RRM1: variants seen among roughly 807,000 people sequenced by gnomAD.
RRM1 encodes ribonucleotide reductase catalytic subunit M1.
RRM1 carries 19 observed loss-of-function variants against 101.5 expected under a neutral mutation model. The observed-to-expected ratio is 0.19, with a 90% CI of 0.13 to 0.27. The LOEUF is 0.27. Ranked by LOEUF, RRM1 falls within the 10% of genes least tolerant of loss-of-function variation. The probability of loss-of-function intolerance (pLI) is 1.00; values close to 1 mark genes in which losing one functional copy is unlikely to be tolerated. For synonymous variants in RRM1, 298 were observed against 323.4 expected (o/e 0.92, Z 0.84); for missense variants, 500 against 962.9 (o/e 0.52, Z 6.36).
intron 7 of RRM1, among the ~76,000 whole-genome samples, chr11:4,118,096 T>C (rs1035121263): frequency 3.9e-5 from 6 of 152,210 alleles, no homozygotes; most frequent in Admixed American, 2.0e-4. Flanking sequence ...GCTTATTTAC[T>C]TACTATCTAG....
In RRM1 at chr11:4,136,650, T is replaced by C. The variant is rs1255604361; in HGVS notation, c.2190+1380T>C. On this transcript the variant is annotated intron_variant, in intron 18 of 18. Transcript: ENST00000300738. ...TTGGCTCACTGCAACCTCAGCCTCC[T>C]GAGTAGCTGAAATTTATAGGCATGT... is the stretch of plus-strand genomic sequence containing the variant. Among the ~76,000 whole-genome samples, 4 of 152,228 alleles carry C rather than the reference T, an allele frequency of 2.6e-5. No individual in the cohort carries two copies. The East Asian group carries it at 5.8e-4, about 22-fold the overall frequency.
chr11:4,107,305 A>G, intron 3 of RRM1, 130 bp from the exon 4 acceptor site: 1 of 637,170 alleles, frequency 1.6e-6, no homozygotes, highest in Non-Finnish European at 2.8e-6. Flanking sequence ...TGAGCACTTT[A>G]TATGCTAGGC....
chr11:4,095,103 A>G (rs72555758), intron 1 of RRM1, 72 bp downstream of exon 1: 25 of 1,341,656 alleles, frequency 1.9e-5, no homozygotes, highest in African/African-American at 1.2e-4. Context: ...GCTGATGCCC[A>G]GACCGCCCGC....
rs772591834 is a variant in RRM1 at position 4,107,454 on chromosome 11, T to C, written c.306T>C (p.Tyr102=). The stretch of plus-strand genomic sequence containing the variant: ...TTTTAGATGTGATGGAAGACCTCTA[T>C]AACTACATAAATCCACATAATGGCA... ...KVFSDVMEDL[Y]NYINPHNGKH... is the part of the protein sequence containing the mutation. Residue 102 remains tyrosine (Y), a synonymous_variant, in exon 4 of 19, where the codon TAT becomes TAC. Coordinates refer to ENST00000300738, the MANE Select transcript of RRM1 (RefSeq NM_001033.5). 38 of 1,611,282 alleles carry C rather than the reference T, an allele frequency of 2.4e-5. No homozygotes were observed. The highest frequency in any genetic ancestry group is 3.1e-5 in the Non-Finnish European group (37 of 1,177,564).
At position 4,118,435 on chromosome 11, in the gene RRM1, C is replaced by T. The variant is rs1179046516; in HGVS notation, c.766C>T (p.Arg256Trp). 6.2e-7 allele frequency: 1 copy of T among 1,613,970 alleles called. No homozygotes were observed. The highest frequency in any genetic ancestry group is 8.5e-7 in the Non-Finnish European group (1 of 1,179,932). ...AATTGGTGTTGCTGTGAGTTGTATT[C>T]GGGCTACTGGCAGCTACATTGCTGG... is the stretch of plus-strand genomic sequence containing the variant. ...GGIGVAVSCIRATGSYIAGTN... is the reference protein window; with the variant it reads ...GGIGVAVSCIWATGSYIAGTN... The change falls in exon 8 of 19, where the codon CGG (arginine) becomes TGG (tryptophan). Residue 256 changes from arginine (R) to tryptophan (W), a missense_variant. By Grantham distance (101) the Arg-to-Trp change is moderately radical. Transcript: ENST00000300738.
intron 9 of RRM1, 121 bp downstream of exon 9, chr11:4,120,049 T>A (rs1217504527): frequency 1.6e-6 from 1 of 627,990 alleles, no homozygotes; most frequent in Admixed American, 3.2e-5. Context: ...TAAAATCAAT[T>A]TGAGGAGGTA....
intron 15 of RRM1, among the ~76,000 whole-genome samples, chr11:4,129,663 T>C (rs12273972): frequency 0.065 from 9,893 of 152,120 alleles, 400 homozygotes; most frequent in African/African-American, 0.12. Context: ...CTAATAAGCA[T>C]AAGGGATTCG....
chr11:4,113,386 T>G (rs1233619818), intron 7 of RRM1, among the ~76,000 whole-genome samples: 1 of 152,114 alleles, frequency 6.6e-6, no homozygotes, highest in African/African-American at 2.4e-5. Flanking sequence ...AAAGAAAAGA[T>G]TGGAAATCAG....
chr11:4,106,499 G>A (rs2094558464), intron 3 of RRM1, among the ~76,000 whole-genome samples: 1 of 152,168 alleles, frequency 6.6e-6, no homozygotes. Context: ...TGTAATCCCA[G>A]TGCTTTGGGA....
At chr11:4,119,449 G>A (rs1340999482) in intron 8 of RRM1, among the ~76,000 whole-genome samples, 2 of 152,050 alleles carry the variant, frequency 1.3e-5, no homozygotes, top group Non-Finnish European at 2.9e-5. Flanking sequence ...AATTCTTATT[G>A]TAAATTGCCT....
chr11:4,126,049 T>C (rs1354798006), intron 12 of RRM1, among the ~76,000 whole-genome samples: 2 of 152,222 alleles, frequency 1.3e-5, no homozygotes, highest in Admixed American at 6.5e-5. Context: ...GCTAAACATA[T>C]AAATATAAAT....
upstream of RRM1, chr11:4,094,713 GCGGCTACACGT>G (rs2094540284): frequency 1.9e-6 from 1 of 526,632 alleles, no homozygotes; most frequent in African/African-American, 1.9e-5. Context: ...ACTCAACATG[GCGGCTACACGT>G]CGCCTGTCAG....
chr11:4,130,632 A>T (rs969297194), intron 15 of RRM1, among the ~76,000 whole-genome samples: 2 of 152,052 alleles, frequency 1.3e-5, no homozygotes, highest in Non-Finnish European at 2.9e-5. Flanking sequence ...GGAGGTGGAG[A>T]TTACAGGGAG....
chr11:4,098,372 TCCTC>T (rs1320801829), intron 1 of RRM1, among the ~76,000 whole-genome samples: 10 of 106,682 alleles, frequency 9.4e-5, no homozygotes, highest in Non-Finnish European at 1.5e-4. Flanking sequence ...TTTCCTGCCC[TCCTC>T]CCTCCCTCCC....
intron 7 of RRM1, among the ~76,000 whole-genome samples, chr11:4,115,681 T>C (rs2094572020): frequency 1.3e-5 from 2 of 152,048 alleles, no homozygotes; most frequent in Admixed American, 6.6e-5. Context: ...CTCAGCCTCC[T>C]GAGTAGCTGG....
intron 9 of RRM1, among the ~76,000 whole-genome samples, chr11:4,120,540 T>A (rs1046892958): frequency 6.6e-6 from 1 of 152,146 alleles, no homozygotes; most frequent in Non-Finnish European, 1.5e-5. Context: ...AATTTTTATA[T>A]TTTTTGTAGA....
At chr11:4,136,567 A>G (rs1303569229) in intron 18 of RRM1, among the ~76,000 whole-genome samples, 1 of 151,172 alleles carries the variant, frequency 6.6e-6, no homozygotes, top group Non-Finnish European at 1.5e-5. Flanking sequence ...ATTTTATTTT[A>G]TACTTTTTTA....
intron 17 of RRM1, among the ~76,000 whole-genome samples, chr11:4,134,866 T>A (rs1766710231): frequency 2.6e-5 from 4 of 152,240 alleles, no homozygotes; most frequent in Admixed American, 1.3e-4. Context: ...GAAATTACTA[T>A]CACCAGATTG....
chr11:4,112,826 G>C (rs2094567457), intron 7 of RRM1, among the ~76,000 whole-genome samples: 1 of 152,146 alleles, frequency 6.6e-6, no homozygotes, highest in Admixed American at 6.6e-5. Context: ...TTAGGGCCAG[G>C]CATGGTGGCT....
Sources: allele counts gnomAD v4.1 joint callset (sites outside exome capture counted in the v4.1 genomes callset), GRCh38; gene constraint gnomAD v4.1.1; transcripts MANE v1.5; gene names NCBI Gene and HGNC (gene_info 2026-07-23, HGNC 2026-07-21).